The following GSK3B variants were observed in gnomAD, a reference collection of about 807,000 sequenced individuals.
GSK3B encodes the protein glycogen synthase kinase 3 beta.
GSK3B carries 15 observed loss-of-function variants against 56.4 expected under a neutral mutation model. That is an observed-to-expected ratio of 0.27 (90% CI 0.18 to 0.41). GSK3B has a LOEUF of 0.41. Among genes scored for constraint, GSK3B ranks in the 10% least tolerant of loss-of-function variants. GSK3B has a pLI of 1.00. For missense variants in GSK3B, 300 were observed against 513.4 expected, an observed-to-expected ratio of 0.58 and a Z score of 4.02; for synonymous variants, 181 against 188.9, an observed-to-expected ratio of 0.96 and a Z score of 0.34.
intron 1 of GSK3B, among the ~76,000 whole-genome samples, chr3:120,068,407 A>G (rs2107561026): frequency 6.8e-6 from 1 of 147,804 alleles, no homozygotes; most frequent in Non-Finnish European, 1.5e-5. Flanking sequence ...AAAAAAAAAA[A>G]AAAATTTGGG....
At chr3:120,023,825 C>T (rs1387027167) in intron 1 of GSK3B, among the ~76,000 whole-genome samples, 1 of 152,166 alleles carries the variant, frequency 6.6e-6, no homozygotes, top group African/African-American at 2.4e-5. Flanking sequence ...TCATTAAGAT[C>T]TCCATCAAAG....
At chr3:119,848,099 G>A (rs1315214436) in intron 9 of GSK3B, among the ~76,000 whole-genome samples, 1 of 152,184 alleles carries the variant, frequency 6.6e-6, no homozygotes, top group Non-Finnish European at 1.5e-5. Context: ...CTGCATGGGG[G>A]AAGCTGTCTC....
intron 3 of GSK3B, among the ~76,000 whole-genome samples, chr3:119,928,004 A>G (rs1197396339): frequency 1.3e-5 from 2 of 152,214 alleles, no homozygotes; most frequent in Non-Finnish European, 2.9e-5. Flanking sequence ...TATACCCAAT[A>G]TCTTGGTGTA....
Position 119,954,310 on chromosome 3 carries a change from A to AAAAGAAACAG in GSK3B, c.283-6960_283-6959insCTGTTTCTTT, listed in dbSNP as rs1553739239. Among the ~76,000 whole-genome samples, 327 of 149,302 alleles carry AAAAGAAACAG rather than the reference A, an allele frequency of 2.2e-3. 2 individuals are homozygous for AAAAGAAACAG. The highest frequency in any genetic ancestry group is 7.8e-3 in the African/African-American group (312 of 40,068). ...AATAGAATAGAATAGAATAGAAAAG[A>AAAAGAAACAG]AACAGAACAGAACAGAACAGCATAG... On this transcript the variant is annotated intron_variant, in intron 2 of 10. Transcript: ENST00000264235.
chr3:119,829,888 G>A (rs776901226), intron 10 of GSK3B, among the ~76,000 whole-genome samples: 15 of 151,988 alleles, frequency 9.9e-5, no homozygotes, highest in African/African-American at 1.5e-4. Context: ...TAATTTTAAC[G>A]CTAATTATTT....
Position 119,852,666 on chromosome 3 carries a change from G to A in GSK3B, c.1097-9313C>T, listed in dbSNP as rs1052755985. Among the ~76,000 whole-genome samples the A allele has an allele frequency of 5.3e-5, 8 of 152,244 alleles. No individual in the cohort carries two copies. In the East Asian group the frequency reaches 1.5e-3, roughly 29 times the overall value. ...CCCAGCCCAGAACTCTATTCTTAAT[G>A]AAATGCAATAAATGAGGCATTACCA... On this transcript the variant is annotated intron_variant, in intron 9 of 10. Transcript: ENST00000264235.
rs1222914554 is a variant in GSK3B, at chr3:119,827,582, C to CT, written c.1196-728dup. On this transcript the variant is annotated intron_variant, in intron 10 of 10. Coordinates refer to ENST00000264235, the MANE Select transcript of GSK3B (RefSeq NM_001146156.2). ...CCTGGGAGACACAGTAAGATACCGT[C>CT]TTTAAAAAAAAAAAAAAAAAAAAAA... is the stretch of plus-strand genomic sequence containing the variant. Among the ~76,000 whole-genome samples the CT allele has an allele frequency of 1.9e-3, 127 of 67,820 alleles. 1 individual carries two copies. The highest frequency in any genetic ancestry group is 1.6e-3 in the Non-Finnish European group (58 of 35,442). The allele number at this position is 67,820 out of a possible 152,430, so 44.5% of individuals were successfully genotyped here.
At chr3:119,985,254 G>T (rs952728640) in intron 2 of GSK3B, among the ~76,000 whole-genome samples, 1 of 152,156 alleles carries the variant, frequency 6.6e-6, no homozygotes, top group African/African-American at 2.4e-5. Flanking sequence ...AAAACTGGAA[G>T]CATTCCCTTT....
chr3:119,852,015 C>T (rs982081519), intron 9 of GSK3B, among the ~76,000 whole-genome samples: 2 of 152,208 alleles, frequency 1.3e-5, no homozygotes, highest in African/African-American at 4.8e-5. Context: ...AACTGCTTCT[C>T]TCCTTGGTAA....
chr3:119,837,848 A>G (rs2055714763), intron 10 of GSK3B, among the ~76,000 whole-genome samples: 1 of 148,802 alleles, frequency 6.7e-6, no homozygotes, highest in Non-Finnish European at 1.5e-5. Context: ...GGGTGTACAA[A>G]GAAAATAAGA....
At chr3:120,029,493 T>A in intron 1 of GSK3B, 3 of 658,256 alleles carry the variant, frequency 4.6e-6, no homozygotes, top group Non-Finnish European at 5.8e-6. Context: ...AGGTGTTATT[T>A]CCAATTGTGT....
chr3:120,079,031 T>C (rs922031370), intron 1 of GSK3B, among the ~76,000 whole-genome samples: 8 of 147,938 alleles, frequency 5.4e-5, no homozygotes, highest in African/African-American at 1.0e-4. Flanking sequence ...ACCTCTGCTT[T>C]GCCAGGTTCA....
rs1343176378 is a variant in GSK3B, at chr3:119,936,261, G to C, written c.366+11007C>G. 2.8e-5 allele frequency among the ~76,000 whole-genome samples: 4 copies of C among 140,532 alleles called. No homozygotes were observed. In the East Asian group the frequency reaches 6.3e-4, roughly 22 times the overall value. 92.2% of individuals were successfully genotyped at this position (140,532 alleles called of 152,430 possible). On this transcript the variant is annotated intron_variant, in intron 3 of 10. Coordinates refer to ENST00000264235, the MANE Select transcript of GSK3B (RefSeq NM_001146156.2). ...GAGACTCTAGCCAGAACGGTGTCCA[G>C]AAGAAAAAAATAAAAGGCTTCAGGT... is the stretch of plus-strand genomic sequence containing the variant.
At chr3:119,886,347 T>A (rs1208048432) in intron 7 of GSK3B, among the ~76,000 whole-genome samples, 3 of 151,932 alleles carry the variant, frequency 2.0e-5, no homozygotes, top group Admixed American at 6.6e-5. Context: ...TGAGATATCA[T>A]CTCACATCAG....
intron 10 of GSK3B, among the ~76,000 whole-genome samples, chr3:119,842,978 C>G (rs557228383): frequency 5.6e-4 from 85 of 151,908 alleles, no homozygotes; most frequent in Non-Finnish European, 9.0e-4. Flanking sequence ...TGCAGTGGCG[C>G]AATCTCGGCT....
At chr3:119,907,312 A>C (rs1248870316) in intron 6 of GSK3B, among the ~76,000 whole-genome samples, 2 of 152,136 alleles carry the variant, frequency 1.3e-5, no homozygotes, top group African/African-American at 2.4e-5. Flanking sequence ...AAACAATAGG[A>C]AACACTTTCT....
intron 2 of GSK3B, among the ~76,000 whole-genome samples, chr3:119,969,760 T>A (rs985823383): frequency 1.3e-5 from 2 of 152,206 alleles, no homozygotes; most frequent in African/African-American, 2.4e-5. Context: ...AGTAGAGTAG[T>A]CTAAACATTT....
At position 119,905,848 on chromosome 3, in the gene GSK3B, T is replaced by G; in HGVS notation, c.720A>C (p.Val240=). The change falls in exon 7 of 11, where the codon GTA becomes GTC. Residue 240 remains valine, a synonymous_variant. Coordinates refer to ENST00000264235, the MANE Select transcript of GSK3B (RefSeq NM_001146156.2). ...CAGCCAACACACAGCCAGCAGACCA[T>G]ACATCTAAAGAGAAAAGAAAACGAA... is the stretch of plus-strand genomic sequence containing the variant. ...GATDYTSSID[V]WSAGCVLAEL... The G allele has an allele frequency of 6.4e-7, 1 of 1,572,338 alleles. No individual in the cohort carries two copies. Among genetic ancestry groups the G allele is most frequent in the Non-Finnish European group, 8.8e-7 (1 of 1,142,012 alleles).
chr3:119,957,745 G>C (rs6785050), intron 2 of GSK3B, among the ~76,000 whole-genome samples: 17,012 of 152,166 alleles, frequency 0.11, 1,107 homozygotes, highest in African/African-American at 0.19. Context: ...TGTAGGCATA[G>C]AGAGGTTAAG....
Sources: gnomAD v4.1 joint callset for allele counts (sites outside exome capture counted in the v4.1 genomes callset) on GRCh38, gnomAD v4.1.1 for gene constraint, MANE v1.5 for transcripts, NCBI Gene and HGNC (gene_info 2026-07-23, HGNC 2026-07-21) for gene names.